DACH2: variants seen among roughly 807,000 people sequenced by gnomAD.
DACH2 encodes the protein dachshund homolog 2.
DACH2 carries 17 observed loss-of-function variants against 35.8 expected under a neutral mutation model. The observed-to-expected ratio is 0.48, with a 90% CI of 0.33 to 0.71. The LOEUF is 0.71. Among genes scored for constraint, DACH2 ranks in the 30% least tolerant of loss-of-function variants. DACH2 has a pLI of 0.02. For synonymous variants in DACH2, 195 were observed against 177.3 expected, an observed-to-expected ratio of 1.10 and a Z score of -0.79; for missense variants, 469 against 472.7, an observed-to-expected ratio of 0.99 and a Z score of 0.07.
intron 1 of DACH2, among the ~76,000 whole-genome samples, chrX:86,163,591 T>A (rs1276775029): frequency 9.0e-6 from 1 of 110,892 alleles, no homozygotes; most frequent in Non-Finnish European, 1.9e-5. Context: ...TCCTCCCACC[T>A]CCCCACTCAA....
chrX:86,526,045 A>G (rs2038626860), intron 3 of DACH2, among the ~76,000 whole-genome samples: 1 of 111,877 alleles, frequency 8.9e-6, no homozygotes, highest in African/African-American at 3.2e-5. Context: ...AAAGCTTTCC[A>G]TTGTATAATA....
At chrX:86,820,679 G>C (rs2042502837) in intron 11 of DACH2, among the ~76,000 whole-genome samples, 1 of 110,508 alleles carries the variant, frequency 9.0e-6, no homozygotes, top group Admixed American at 9.7e-5. Context: ...ACAATTTAGG[G>C]CATAAGTTAA....
intron 7 of DACH2, among the ~76,000 whole-genome samples, chrX:86,777,664 T>A (rs2042048914): frequency 9.0e-6 from 1 of 111,415 alleles, no homozygotes; most frequent in Non-Finnish European, 1.9e-5. Flanking sequence ...ATAAATCCCC[T>A]ACTAGGTGAT....
At chrX:86,446,295 T>C (rs1470593240) in intron 2 of DACH2, among the ~76,000 whole-genome samples, 31 of 104,057 alleles carry the variant, frequency 3.0e-4, no homozygotes, top group African/African-American at 9.4e-4. Context: ...TTTCTTTTTT[T>C]TTTTTTTTTT....
intron 3 of DACH2, among the ~76,000 whole-genome samples, chrX:86,633,068 C>CAAAA (rs1321205142): frequency 4.7e-5 from 5 of 107,038 alleles, no homozygotes; most frequent in Non-Finnish European, 9.6e-5. Flanking sequence ...CAAAGCTAGC[C>CAAAA]AAAACAAACA....
intron 1 of DACH2, among the ~76,000 whole-genome samples, chrX:86,242,716 C>T (rs2033192487): frequency 9.0e-6 from 1 of 111,188 alleles, no homozygotes. Context: ...AAATTGTAAT[C>T]CCCACGTGTC....
At chrX:86,211,115 C>T (rs1485689439) in intron 1 of DACH2, among the ~76,000 whole-genome samples, 1 of 111,101 alleles carries the variant, frequency 9.0e-6, no homozygotes, top group Non-Finnish European at 1.9e-5. Flanking sequence ...GACCTTGGGG[C>T]TTTTCTTTTC....
intron 4 of DACH2, among the ~76,000 whole-genome samples, chrX:86,680,669 T>C (rs2040870909): frequency 9.4e-6 from 1 of 106,244 alleles, no homozygotes; most frequent in African/African-American, 3.4e-5. Flanking sequence ...TTTTTTTTTT[T>C]TTGAGACAGG....
intron 1 of DACH2, among the ~76,000 whole-genome samples, chrX:86,167,798 A>G (rs945333759): frequency 1.8e-5 from 2 of 111,245 alleles, no homozygotes; most frequent in South Asian, 7.4e-4. Context: ...TTATTGACCC[A>G]CTGGTCGTTC....
At chrX:86,483,404 C>T (rs1388040703) in intron 2 of DACH2, among the ~76,000 whole-genome samples, 1 of 111,506 alleles carries the variant, frequency 9.0e-6, no homozygotes, top group Non-Finnish European at 1.9e-5. Flanking sequence ...ATAAGCAAAT[C>T]ATTTTTCCTT....
intron 7 of DACH2, among the ~76,000 whole-genome samples, chrX:86,802,232 C>A (rs755271677): frequency 1.8e-5 from 2 of 110,952 alleles, no homozygotes; most frequent in African/African-American, 3.3e-5. Flanking sequence ...ATTCGAATTG[C>A]CAGGCTCTAC....
chrX:86,362,553 A>G (rs1385030220), intron 1 of DACH2, among the ~76,000 whole-genome samples: 1 of 111,652 alleles, frequency 9.0e-6, no homozygotes, highest in Non-Finnish European at 1.9e-5. Context: ...CAATTAAAAC[A>G]CAATTCCACA....
At chrX:86,291,083 A>G (rs1387996637) in intron 1 of DACH2, among the ~76,000 whole-genome samples, 4 of 100,716 alleles carry the variant, frequency 4.0e-5, no homozygotes, top group African/African-American at 1.5e-4. Context: ...ATTTGTTTGT[A>G]TCCTCTTTTA....
In DACH2 at chrX:86,454,601, G is replaced by T. The variant is rs111340941; in HGVS notation, c.528-59678G>T. Among the ~76,000 whole-genome samples, 429 of 112,174 alleles carry T rather than the reference G, an allele frequency of 3.8e-3. 2 individuals are homozygous for T. The highest frequency in any genetic ancestry group is 0.013 in the African/African-American group (414 of 30,905). Reference sequence around the variant, plus strand: ...GTGATTGCATTGTGAAATTCTTGTTGTCTGCTTTTTAGCTCTATCAGGGCC... The same window carrying T: ...GTGATTGCATTGTGAAATTCTTGTTTTCTGCTTTTTAGCTCTATCAGGGCC... On this transcript the variant is annotated intron_variant, in intron 2 of 11. Transcript: ENST00000373125.
At chrX:86,549,333 G>A (rs547241797) in intron 3 of DACH2, among the ~76,000 whole-genome samples, 6 of 111,116 alleles carry the variant, frequency 5.4e-5, no homozygotes, top group African/African-American at 1.6e-4. Context: ...TTTCCCTTGA[G>A]ACAGCACAGT....
At chrX:86,824,127 G>C (rs1280241419) in intron 11 of DACH2, among the ~76,000 whole-genome samples, 1 of 111,050 alleles carries the variant, frequency 9.0e-6, no homozygotes, top group Admixed American at 9.6e-5. Flanking sequence ...GTAAGCCTGA[G>C]GGTACTACAG....
chrX:86,380,189 G>A (rs957617646), intron 2 of DACH2, among the ~76,000 whole-genome samples: 4 of 110,022 alleles, frequency 3.6e-5, no homozygotes, highest in Admixed American at 9.7e-5. Context: ...TTTAATCATC[G>A]TAACAACTCT....
chrX:86,642,166 G>T (rs1363929254), intron 3 of DACH2, among the ~76,000 whole-genome samples: 6 of 111,521 alleles, frequency 5.4e-5, no homozygotes, highest in African/African-American at 2.0e-4. Flanking sequence ...ATAGTGGTAA[G>T]CTGGATAAAA....
intron 3 of DACH2, among the ~76,000 whole-genome samples, chrX:86,633,051 C>A (rs905614337): frequency 9.2e-6 from 1 of 108,620 alleles, no homozygotes; most frequent in South Asian, 3.8e-4. Context: ...AAACCAAACT[C>A]CCAACCCAAA....
Sources: gnomAD v4.1 joint callset for allele counts (sites outside exome capture counted in the v4.1 genomes callset) on GRCh38, gnomAD v4.1.1 for gene constraint, MANE v1.5 for transcripts, NCBI Gene and HGNC (gene_info 2026-07-23, HGNC 2026-07-21) for gene names.